Variants in RBM20 observed in about 807,000 individuals in gnomAD.
RBM20 encodes the protein RNA-binding protein 20.
RBM20 carries 51 observed loss-of-function variants against 110.1 expected under a neutral mutation model. The ratio of observed to expected loss-of-function variants is 0.46; its 90% CI spans 0.37 to 0.59. RBM20 has a LOEUF of 0.59. RBM20 is among the 20% of genes least tolerant of loss of function. RBM20 has a pLI of 0.00. For missense variants in RBM20, 1,512 were observed against 1,574.9 expected (o/e 0.96, Z 0.68); for synonymous variants, 589 against 618.2 (o/e 0.95, Z 0.70).
chr10:110,758,976 G>A (rs1308614679), intron 1 of RBM20, among the ~76,000 whole-genome samples: 2 of 152,126 alleles, frequency 1.3e-5, no homozygotes, highest in Non-Finnish European at 2.9e-5. Flanking sequence ...ATGGGCCTCT[G>A]GAGAACCTAC....
chr10:110,687,995 T>TGTGTGTGTGTG (rs1862529719), intron 1 of RBM20, among the ~76,000 whole-genome samples: 9 of 145,486 alleles, frequency 6.2e-5, no homozygotes, highest in African/African-American at 2.3e-4. Context: ...CTAAATGGTT[T>TGTGTGTGTGTG]TGTGTGTGTG....
intron 1 of RBM20, among the ~76,000 whole-genome samples, chr10:110,748,652 G>C (rs1159743988): frequency 2.0e-5 from 3 of 151,858 alleles, no homozygotes; most frequent in Non-Finnish European, 4.4e-5. Context: ...TGTGTCCCTG[G>C]ACTAGTTATA....
At chr10:110,760,022 C>T (rs1843974588) in intron 1 of RBM20, among the ~76,000 whole-genome samples, 1 of 152,152 alleles carries the variant, frequency 6.6e-6, no homozygotes, top group Non-Finnish European at 1.5e-5. Context: ...CAGGGGAAGG[C>T]TGTGAGCTTC....
chr10:110,818,177 G>A (rs1844863916), intron 9 of RBM20, among the ~76,000 whole-genome samples: 1 of 150,694 alleles, frequency 6.6e-6, no homozygotes, highest in African/African-American at 2.4e-5. Flanking sequence ...TGTAATCCCA[G>A]TTACTTGGGA....
At chr10:110,791,303 A>G (rs1213004588) in intron 5 of RBM20, among the ~76,000 whole-genome samples, 1 of 152,248 alleles carries the variant, frequency 6.6e-6, no homozygotes, top group African/African-American at 2.4e-5. Flanking sequence ...ACTCTGTGCC[A>G]GATAACATTA....
chr10:110,814,651 A>G (rs1844816665), intron 9 of RBM20, among the ~76,000 whole-genome samples: 1 of 152,062 alleles, frequency 6.6e-6, no homozygotes. Flanking sequence ...GTGCGCCACC[A>G]CGCCCGGCTA....
chr10:110,663,438 G>A (rs970785116), intron 1 of RBM20, among the ~76,000 whole-genome samples: 7 of 152,186 alleles, frequency 4.6e-5, no homozygotes, highest in Non-Finnish European at 1.0e-4. Flanking sequence ...AAAGCGGATG[G>A]CATGCTATCT....
At chr10:110,688,724 A>G (rs534359122) in intron 1 of RBM20, among the ~76,000 whole-genome samples, 2 of 152,336 alleles carry the variant, frequency 1.3e-5, no homozygotes, top group South Asian at 4.1e-4. Context: ...AATACCTTAC[A>G]TAACCATGGT....
chr10:110,757,592 G>A (rs931900583), intron 1 of RBM20, among the ~76,000 whole-genome samples: 1 of 152,180 alleles, frequency 6.6e-6, no homozygotes, highest in African/African-American at 2.4e-5. Flanking sequence ...TGGACAAAAA[G>A]TGATACCATA....
At chr10:110,704,930 A>AT (rs1337756703) in intron 1 of RBM20, among the ~76,000 whole-genome samples, 1 of 152,172 alleles carries the variant, frequency 6.6e-6, no homozygotes, top group Non-Finnish European at 1.5e-5. Flanking sequence ...AAAGCCATTG[A>AT]TTTTTCATGG....
intron 1 of RBM20, among the ~76,000 whole-genome samples, chr10:110,690,112 A>G (rs1323296459): frequency 6.6e-6 from 1 of 152,182 alleles, no homozygotes; most frequent in African/African-American, 2.4e-5. Flanking sequence ...ACTATTTTTA[A>G]TTGTACAATT....
intron 1 of RBM20, among the ~76,000 whole-genome samples, chr10:110,648,714 A>AGG (rs11425051): frequency 0.011 from 1,546 of 145,960 alleles, 20 homozygotes; most frequent in African/African-American, 0.031. Flanking sequence ...AGGGAAGAAA[A>AGG]GGGGGGGGTG....
Position 110,781,320 on chromosome 10 carries a change from C to A in RBM20, c.711C>A (p.Gly237=). 6.4e-7 allele frequency: 1 copy of A among 1,551,716 alleles called. No individual in the cohort carries two copies. Among genetic ancestry groups the A allele is most frequent in the Non-Finnish European group, 8.7e-7 (1 of 1,147,006 alleles). The part of the protein sequence containing the change: ...GFYEYGKASS[G]QTYGPETDGQ... ...ATGAGTATGGCAAAGCCAGCTCTGG[C>A]CAGACATATGGCCCTGAAACAGATG... Residue 237 remains glycine (G), a synonymous_variant, in exon 2 of 14, where the codon GGC becomes GGA. Transcript: ENST00000369519.
intron 12 of RBM20, among the ~76,000 whole-genome samples, chr10:110,830,073 T>C (rs1017102508): frequency 6.6e-6 from 1 of 152,194 alleles, no homozygotes; most frequent in African/African-American, 2.4e-5. Flanking sequence ...ACCTCCATTC[T>C]CAGGTGAGGA....
At chr10:110,768,057 GTCTCCACCAAAAAA>G (rs1257635058) in intron 1 of RBM20, among the ~76,000 whole-genome samples, 1 of 152,186 alleles carries the variant, frequency 6.6e-6, no homozygotes, top group African/African-American at 2.4e-5. Context: ...GCGAAACCCC[GTCTCCACCAAAAAA>G]ATACGAAAAC....
chr10:110,823,061 A>G (rs1259258147), intron 11 of RBM20, among the ~76,000 whole-genome samples: 1 of 152,036 alleles, frequency 6.6e-6, no homozygotes, highest in Non-Finnish European at 1.5e-5. Context: ...ACAGCTTGAC[A>G]AGCTTGGGGA....
intron 1 of RBM20, among the ~76,000 whole-genome samples, chr10:110,727,186 TC>T (rs915245444): frequency 7.3e-6 from 1 of 136,352 alleles, no homozygotes; most frequent in African/African-American, 2.8e-5. Context: ...ATTAAGAAAT[TC>T]CCCCTTTTAT....
intron 5 of RBM20, among the ~76,000 whole-genome samples, chr10:110,785,585 C>G (rs937990775): frequency 7.9e-5 from 12 of 152,120 alleles, no homozygotes; most frequent in African/African-American, 2.9e-4. Flanking sequence ...ACCATTTTCT[C>G]CATTGTCATT....
chr10:110,672,337 C>G (rs891650033), intron 1 of RBM20, among the ~76,000 whole-genome samples: 1 of 151,796 alleles, frequency 6.6e-6, no homozygotes. Flanking sequence ...CTGAGCTCTC[C>G]GAATAATTCA....
Sources: allele counts gnomAD v4.1 joint callset (sites outside exome capture counted in the v4.1 genomes callset), GRCh38; gene constraint gnomAD v4.1.1; transcripts MANE v1.5; gene names NCBI Gene and HGNC (gene_info 2026-07-23, HGNC 2026-07-21).